Variants in C21orf91 observed in about 807,000 individuals in gnomAD.
C21orf91 encodes the protein chromosome 21 open reading frame 91.
A neutral mutation model predicts 32.9 loss-of-function variants in C21orf91; 26 were observed. The ratio of observed to expected loss-of-function variants is 0.79; its 90% confidence interval spans 0.58 to 1.10. C21orf91 has a LOEUF of 1.10. C21orf91 is among the 50% of genes least tolerant of loss of function. The pLI, the probability that C21orf91 is intolerant of heterozygous loss-of-function variation, is 0.00. For synonymous variants in C21orf91, 126 were observed against 120.4 expected (o/e 1.05, Z -0.31); for missense variants, 310 against 341.3 (o/e 0.91, Z 0.72).
chr21:17,803,525 GAA>G (rs774502129), intron 2 of C21orf91, among the ~76,000 whole-genome samples: 1 of 151,776 alleles, frequency 6.6e-6, no homozygotes, highest in African/African-American at 2.4e-5. Context: ...TTAAAAAAAA[GAA>G]AAAAAAGTTT....
chr21:17,818,413 G>A lies in C21orf91; in HGVS notation c.-7-88C>T, dbSNP rs2062679982. ...TTTACTGGGAACTTCTAGGAAATAA[G>A]GATGCTGTTCAGCTCATTTAAAGCA... is the stretch of plus-strand genomic sequence containing the variant. On this transcript the variant is annotated intron_variant, in intron 1 of 4. Coordinates refer to ENST00000284881, the MANE Select transcript of C21orf91 (RefSeq NM_001100420.2). 13 of 1,098,898 alleles carry A rather than the reference G, an allele frequency of 1.2e-5. No homozygotes were observed. The South Asian group carries it at 1.8e-4, about 15-fold the overall frequency. The allele number at this position is 1,098,898 out of a possible 1,614,324, so 68.1% of individuals were successfully genotyped here.
chr21:17,806,641 T>C (rs913197964), intron 2 of C21orf91, among the ~76,000 whole-genome samples: 2 of 152,048 alleles, frequency 1.3e-5, no homozygotes, highest in Non-Finnish European at 2.9e-5. Context: ...GGAGTTTGAG[T>C]TCAGCCTGGC....
Position 17,804,810 on chromosome 21 carries a change from C to T in C21orf91, c.128-7692G>A, listed in dbSNP as rs987550479. Among the ~76,000 whole-genome samples the T allele has an allele frequency of 3.7e-4, 57 of 152,328 alleles. 1 individual carries two copies. The highest frequency in any genetic ancestry group is 3.6e-3 in the Admixed American group (55 of 15,304). On this transcript the variant is annotated intron_variant, in intron 2 of 4. Coordinates refer to ENST00000284881, the MANE Select transcript of C21orf91 (RefSeq NM_001100420.2). ...TTCAGAGAGACAATGATAAACCTCA[C>T]CCTCAACCTAGGAGGCCAGAGCAGA...
In C21orf91 at chr21:17,792,526, T is replaced by C. The variant is rs754835011; in HGVS notation, c.*889A>G. ...TTTCACAGCACACTCAATTTGAAGA[T>C]AGACATTATATTTGAATTGGAAGTG... On this transcript the variant is annotated 3_prime_UTR_variant, in exon 5 of 5. Coordinates refer to ENST00000284881, the MANE Select transcript of C21orf91 (RefSeq NM_001100420.2). The C allele has an allele frequency of 5.3e-5, 8 of 152,072 alleles. No homozygotes were observed. The highest frequency in any genetic ancestry group is 1.2e-4 in the African/African-American group (5 of 41,408). 9.4% of individuals were successfully genotyped at this position (152,072 alleles called of 1,614,324 possible).
At chr21:17,811,015 A>AGG (rs1246398087) in intron 2 of C21orf91, among the ~76,000 whole-genome samples, 1 of 152,240 alleles carries the variant, frequency 6.6e-6, no homozygotes, top group Non-Finnish European at 1.5e-5. Flanking sequence ...CTTAGGACCT[A>AGG]AACTTTAGTC....
rs1568745875 is a variant in C21orf91, at chr21:17,791,169, A to C, written c.*2246T>G. The C allele has an allele frequency of 6.6e-6, 1 of 152,172 alleles. No homozygotes were observed. Among genetic ancestry groups the C allele is most frequent in the East Asian group, 1.9e-4 (1 of 5,198 alleles). 9.4% of individuals were successfully genotyped at this position (152,172 alleles called of 1,614,324 possible). A position where few individuals can be genotyped will look rare whatever the true frequency, so the allele number is the denominator to read the frequency against. On this transcript the variant is annotated 3_prime_UTR_variant, in exon 5 of 5. Coordinates refer to ENST00000284881, the MANE Select transcript of C21orf91 (RefSeq NM_001100420.2). ...ATAGGACTAAATTATAAGTTTACCA[A>C]ACATTTGGATAAACTGCTGTGCAAA...
chr21:17,814,237 T>G (rs1255606710), intron 2 of C21orf91, among the ~76,000 whole-genome samples: 1 of 152,194 alleles, frequency 6.6e-6, no homozygotes, highest in African/African-American at 2.4e-5. Flanking sequence ...GCCTTCCTCT[T>G]TGCCATTCCT....
intron 3 of C21orf91, 87 bp downstream of exon 3, chr21:17,796,495 G>T: frequency 1.0e-6 from 1 of 972,342 alleles, no homozygotes; most frequent in Non-Finnish European, 1.5e-6. Context: ...TGATTCCACA[G>T]CAAAATTCTT....
In C21orf91 at chr21:17,796,637, G is replaced by A. The variant is rs760899581; in HGVS notation, c.609C>T (p.Ile203=). The A allele has an allele frequency of 6.2e-7, 1 of 1,614,014 alleles. No homozygotes were observed. Among genetic ancestry groups the A allele is most frequent in the South Asian group, 1.1e-5 (1 of 91,078 alleles). Residue 203 remains isoleucine, a synonymous_variant, in exon 3 of 5, where the codon ATC becomes ATT. Coordinates refer to ENST00000284881, the MANE Select transcript of C21orf91 (RefSeq NM_001100420.2). The part of the protein sequence containing the change: ...HNQAQKKEET[I]SSPEANVQTQ... ...TCTGGACATTAGCCTCTGGACTAGAGATTGTCTCTTCTTTTTTCTGTGCCT... is the reference window on the plus strand; with the variant it reads ...TCTGGACATTAGCCTCTGGACTAGAAATTGTCTCTTCTTTTTTCTGTGCCT...
intron 2 of C21orf91, among the ~76,000 whole-genome samples, chr21:17,801,946 ATTTT>A (rs2062564675): frequency 6.6e-6 from 1 of 151,882 alleles, no homozygotes; most frequent in Non-Finnish European, 1.5e-5. Flanking sequence ...CTATTCAATA[ATTTT>A]ATTTTTCTTT....
At chr21:17,795,631 C>T (rs1242793083) in intron 3 of C21orf91, among the ~76,000 whole-genome samples, 4 of 152,072 alleles carry the variant, frequency 2.6e-5, no homozygotes, top group African/African-American at 7.2e-5. Flanking sequence ...CGTGTGCCAC[C>T]ACACCTAATT....
At chr21:17,801,274 G>GTTCTTTTTTTT (rs1278315799) in intron 2 of C21orf91, among the ~76,000 whole-genome samples, 1 of 140,412 alleles carries the variant, frequency 7.1e-6, no homozygotes, top group East Asian at 2.1e-4. Context: ...AACACCGTAT[G>GTTCTTTTTTTT]TTTTTTTTTT....
chr21:17,813,884 C>G (rs936216912), intron 2 of C21orf91: 13 of 152,110 alleles, frequency 8.5e-5, no homozygotes, highest in African/African-American at 3.1e-4. Flanking sequence ...CACCTGTAAT[C>G]TCAGCTTCCT....
rs2062489114 is a variant in C21orf91, at chr21:17,793,008, T to A, written c.*407A>T. On this transcript the variant is annotated 3_prime_UTR_variant, in exon 5 of 5. Transcript: ENST00000284881. ...AATAGCATTTTCACATATAAAATTTTTATATTAAAATATTGCTCATAATAA... is the reference window on the plus strand; with the variant it reads ...AATAGCATTTTCACATATAAAATTTATATATTAAAATATTGCTCATAATAA... The A allele has an allele frequency of 6.5e-6, 1 of 152,730 alleles. No individual in the cohort carries two copies. The highest frequency in any genetic ancestry group is 2.4e-5 in the African/African-American group (1 of 41,470). The allele number at this position is 152,730 out of a possible 1,614,324, so 9.5% of individuals were successfully genotyped here.
intron 2 of C21orf91, among the ~76,000 whole-genome samples, chr21:17,802,547 A>C (rs939512981): frequency 8.5e-5 from 13 of 152,136 alleles, no homozygotes; most frequent in Admixed American, 2.0e-4. Context: ...TGTAGGAACA[A>C]TTTTTTTTCG....
chr21:17,815,207 A>G (rs924103155), intron 2 of C21orf91, among the ~76,000 whole-genome samples: 20 of 152,184 alleles, frequency 1.3e-4, no homozygotes, highest in African/African-American at 3.9e-4. Flanking sequence ...TCCAAAAAGT[A>G]GAAAATATTA....
At chr21:17,796,445 G>T in intron 3 of C21orf91, 137 bp downstream of exon 3, 1 of 654,260 alleles carries the variant, frequency 1.5e-6, no homozygotes. Flanking sequence ...TCTCATTTTT[G>T]CTAAGGTGAA....
rs1258445748 is a variant in C21orf91, at chr21:17,816,738, A to AT, written c.127+1453dup. On this transcript the variant is annotated intron_variant, in intron 2 of 4. Transcript: ENST00000284881. ...AGGGGTTTAGCACAGTGCCTGGCAC[A>AT]TAACAACAGCTTGCCATCACCACTA... Among the ~76,000 whole-genome samples the AT allele has an allele frequency of 2.0e-5, 3 of 152,386 alleles. No individual in the cohort carries two copies. In the South Asian group the frequency reaches 6.2e-4, roughly 32 times the overall value.
intron 2 of C21orf91, among the ~76,000 whole-genome samples, chr21:17,814,087 AC>A (rs1221331536): frequency 6.6e-6 from 1 of 152,204 alleles, no homozygotes; most frequent in Non-Finnish European, 1.5e-5. Flanking sequence ...AATTATTTGT[AC>A]ACTATTTTGG....
Sources: gnomAD v4.1 joint callset for allele counts (sites outside exome capture counted in the v4.1 genomes callset) on GRCh38, gnomAD v4.1.1 for gene constraint, MANE v1.5 for transcripts, NCBI Gene and HGNC (gene_info 2026-07-23, HGNC 2026-07-21) for gene names.